SRGAP2C: variants seen among roughly 807,000 people sequenced by gnomAD.
The protein encoded by SRGAP2C is SLIT-ROBO Rho GTPase-activating protein 2C.
In SRGAP2C, 15 loss-of-function variants were observed where a neutral mutation model predicts 25.1. The ratio of observed to expected loss-of-function variants is 0.60; its 90% CI spans 0.40 to 0.92. The LOEUF is 0.92. Ranked by LOEUF, SRGAP2C falls within the 40% of genes least tolerant of loss-of-function variation. The probability of loss-of-function intolerance (pLI) is 0.00; values close to 1 mark genes in which losing one functional copy is unlikely to be tolerated. For missense variants in SRGAP2C, 144 were observed against 264.4 expected (o/e 0.54, Z 3.16); for synonymous variants, 44 against 96.6 (o/e 0.46, Z 3.19).
chr1:121,359,573 G>A (rs1205411857), intron 4 of SRGAP2C, among the ~76,000 whole-genome samples: 5 of 152,150 alleles, frequency 3.3e-5, no homozygotes, highest in African/African-American at 1.2e-4. Context: ...TTTGAGACCA[G>A]CCTGAGCAAA....
At chr1:121,343,160 C>T (rs1182480744) in intron 4 of SRGAP2C, among the ~76,000 whole-genome samples, 1 of 151,702 alleles carries the variant, frequency 6.6e-6, no homozygotes, top group Admixed American at 6.6e-5. Flanking sequence ...AAGAATTACC[C>T]CTGTGCTTAA....
chr1:121,285,491 C>T (rs1657342661), intron 3 of SRGAP2C, among the ~76,000 whole-genome samples: 1 of 148,474 alleles, frequency 6.7e-6, no homozygotes, highest in South Asian at 2.2e-4. Flanking sequence ...TATTTTTAAC[C>T]ATTTCACCAA....
chr1:121,261,094 ATTTTTTTTTTTTTT>A (rs1211026484), intron 2 of SRGAP2C, among the ~76,000 whole-genome samples: 1 of 26,262 alleles, frequency 3.8e-5, no homozygotes, highest in Non-Finnish European at 6.6e-5. Context: ...ACACCTGGCT[ATTTTTTTTTTTTTT>A]TTTTTTTTTT....
chr1:121,374,859 G>A lies in SRGAP2C; in HGVS notation c.736G>A (p.Ala246Thr), dbSNP rs782198569. 4 of 777,766 alleles carry A rather than the reference G, an allele frequency of 5.1e-6. No homozygotes were observed. Among genetic ancestry groups the A allele is most frequent in the Admixed American group, 1.7e-5 (1 of 58,548 alleles). The allele number at this position is 777,766 out of a possible 1,614,324, so 48.2% of individuals were successfully genotyped here. ...QAKYTENKLK[A>T]IKAQNEYLLA... The stretch of plus-strand genomic sequence containing the variant: ...CAAGTACACGGAGAATAAGCTGAAG[G>A]CCATCAAAGCCCAGAATGAGTACTT... The change falls in exon 7 of 10, where the codon GCC (alanine) becomes ACC (threonine). Residue 246 changes from alanine to threonine, a missense_variant. By Grantham distance (58) the Ala-to-Thr change is moderately conservative (BLOSUM62 0). Transcript: ENST00000367123.
In SRGAP2C at chr1:121,274,650, C is replaced by T. The variant is rs1272086779; in HGVS notation, c.68-10153C>T. ...TGGAGCCTTGAGAACATACAGTGTGCCTTTGTCCTCTAAGAGAGTGGACAT... is the reference window on the plus strand; with the variant it reads ...TGGAGCCTTGAGAACATACAGTGTGTCTTTGTCCTCTAAGAGAGTGGACAT... On this transcript the variant is annotated intron_variant, in intron 2 of 9. Transcript: ENST00000367123. Among the ~76,000 whole-genome samples the T allele has an allele frequency of 2.6e-5, 2 of 77,862 alleles. 1 individual carries two copies. Among genetic ancestry groups the T allele is most frequent in the African/African-American group, 1.1e-4 (2 of 17,498 alleles). The allele number at this position is 77,862 out of a possible 152,430, so 51.1% of individuals were successfully genotyped here.
chr1:121,282,801 G>A lies in SRGAP2C; in HGVS notation c.68-2002G>A, dbSNP rs1265667133. Among the ~76,000 whole-genome samples the A allele has an allele frequency of 1.3e-3, 191 of 147,170 alleles. 5 individuals carry two copies. The South Asian group carries it at 0.032, about 25-fold the overall frequency. On this transcript the variant is annotated intron_variant, in intron 2 of 9. Coordinates refer to ENST00000367123, the MANE Select transcript of SRGAP2C (RefSeq NM_001329984.2). ...TCTCGATCTTCTGACCTTGTGATCCGCCCGCCTCGGCCTCCCAAAGTGCTG... is the reference window on the plus strand; with the variant it reads ...TCTCGATCTTCTGACCTTGTGATCCACCCGCCTCGGCCTCCCAAAGTGCTG...
chr1:121,314,410 C>G (rs1271710867), intron 3 of SRGAP2C, among the ~76,000 whole-genome samples: 1 of 152,170 alleles, frequency 6.6e-6, no homozygotes, highest in Non-Finnish European at 1.5e-5. Flanking sequence ...TCGTCTGAAG[C>G]CTTCTTCTCT....
At chr1:121,273,968 C>A (rs1343374249) in intron 2 of SRGAP2C, among the ~76,000 whole-genome samples, 19 of 151,488 alleles carry the variant, frequency 1.3e-4, no homozygotes, top group African/African-American at 4.1e-4. Flanking sequence ...AGGAACTGGG[C>A]AGACTGTTTC....
Position 121,354,261 on chromosome 1 carries a change from CCTTTCTTTCTTTCTTTCTTTCTTT to C in SRGAP2C, c.424-10987_424-10964del, listed in dbSNP as rs61373397. 3.9e-3 allele frequency among the ~76,000 whole-genome samples: 117 copies of C among 29,926 alleles called. 19 individuals carry two copies. Among genetic ancestry groups the C allele is most frequent in the Admixed American group, 6.4e-3 (18 of 2,800 alleles). The allele number at this position is 29,926 out of a possible 152,430, so 19.6% of individuals were successfully genotyped here. ...TAGATTCCTTTCTTTCTTTCTCTCT[CCTTTCTTTCTTTCTTTCTTTCTTT>C]CTTTCTTTCTTTCTTTCTTTCTTTC... On this transcript the variant is annotated intron_variant, in intron 4 of 9. Transcript: ENST00000367123.
At chr1:121,224,805 C>A (rs1378585246) in intron 2 of SRGAP2C, among the ~76,000 whole-genome samples, 1 of 152,110 alleles carries the variant, frequency 6.6e-6, no homozygotes, top group Non-Finnish European at 1.5e-5. Flanking sequence ...AGAGAATGTA[C>A]AAGACCCGGG....
At chr1:121,290,465 C>CT (rs1657470578) in intron 3 of SRGAP2C, among the ~76,000 whole-genome samples, 1 of 149,502 alleles carries the variant, frequency 6.7e-6, no homozygotes, top group East Asian at 2.0e-4. Context: ...CAACAAATTA[C>CT]TTTTAAATAC....
chr1:121,202,529 A>G (rs1406831484), intron 2 of SRGAP2C, among the ~76,000 whole-genome samples: 1 of 148,038 alleles, frequency 6.8e-6, no homozygotes, highest in Non-Finnish European at 1.5e-5. Context: ...CCCGGATTCA[A>G]GTGATTCTCC....
intron 4 of SRGAP2C, among the ~76,000 whole-genome samples, chr1:121,340,237 T>G (rs1270720327): frequency 2.0e-5 from 3 of 151,858 alleles, no homozygotes; most frequent in Non-Finnish European, 4.4e-5. Context: ...CTTGTTTTTC[T>G]TTTGATGTTC....
At chr1:121,264,065 G>T (rs587688370) in intron 2 of SRGAP2C, among the ~76,000 whole-genome samples, 1 of 151,844 alleles carries the variant, frequency 6.6e-6, no homozygotes, top group East Asian at 1.9e-4. Context: ...AAACTCAGAG[G>T]CCCAAATCTT....
intron 2 of SRGAP2C, among the ~76,000 whole-genome samples, chr1:121,190,143 GT>G (rs1553319551): frequency 6.6e-6 from 1 of 152,188 alleles, no homozygotes; most frequent in African/African-American, 2.4e-5. Flanking sequence ...CTGCGATCTG[GT>G]TTGGCTCTGC....
chr1:121,320,783 A>G (rs1355723777), intron 3 of SRGAP2C, among the ~76,000 whole-genome samples: 1 of 152,138 alleles, frequency 6.6e-6, no homozygotes, highest in African/African-American at 2.4e-5. Context: ...CCTAGCAGCT[A>G]TTCCCCTTCA....
chr1:121,308,052 A>G (rs1657884334), intron 3 of SRGAP2C, among the ~76,000 whole-genome samples: 1 of 151,854 alleles, frequency 6.6e-6, no homozygotes, highest in South Asian at 2.1e-4. Context: ...GACCCTTGGT[A>G]TTCCTGTTAT....
chr1:121,371,839 A>G (rs1659499721), intron 5 of SRGAP2C, among the ~76,000 whole-genome samples: 1 of 141,468 alleles, frequency 7.1e-6, no homozygotes, highest in Non-Finnish European at 1.5e-5. Context: ...AAAGAAAAAA[A>G]GCACTCACTT....
intron 2 of SRGAP2C, among the ~76,000 whole-genome samples, chr1:121,249,576 A>ATTTTT (rs1274776472): frequency 4.2e-4 from 9 of 21,512 alleles, no homozygotes; most frequent in Non-Finnish European, 4.9e-4. Context: ...ATATATATAT[A>ATTTTT]TATATTTTTT....
Sources: allele counts gnomAD v4.1 joint callset (sites outside exome capture counted in the v4.1 genomes callset), GRCh38; gene constraint gnomAD v4.1.1; transcripts MANE v1.5; gene names NCBI Gene and HGNC (gene_info 2026-07-23, HGNC 2026-07-21).